KHDRBS3: variants seen among roughly 807,000 people sequenced by gnomAD.
KHDRBS3 encodes the protein KH domain-containing, RNA-binding, signal transduction-associated protein 3.
A neutral mutation model predicts 45.6 loss-of-function variants in KHDRBS3; 23 were observed. The ratio of observed to expected loss-of-function variants is 0.50; its 90% CI spans 0.36 to 0.72. The LOEUF is 0.72. KHDRBS3 is among the 30% of genes least tolerant of loss of function. The probability of loss-of-function intolerance (pLI) is 0.00; values close to 1 mark genes in which losing one functional copy is unlikely to be tolerated. For synonymous variants in KHDRBS3, 162 were observed against 156.5 expected (o/e 1.04, Z -0.26); for missense variants, 352 against 424.8 (o/e 0.83, Z 1.51).
chr8:135,586,840 GA>G (rs1320238430), intron 6 of KHDRBS3, among the ~76,000 whole-genome samples: 1 of 151,970 alleles, frequency 6.6e-6, no homozygotes, highest in Non-Finnish European at 1.5e-5. Flanking sequence ...AATAAAAGAT[GA>G]AAAAAGATCA....
rs59502823 is a variant in KHDRBS3 at position 135,515,365 on chromosome 8, T to TAAAAAAAAAAA, written c.89-5845_89-5835dup. On this transcript the variant is annotated intron_variant, in intron 1 of 8. Transcript: ENST00000355849. ...TGGGCGACAGAGCGAGACTCCGTCT[T>TAAAAAAAAAAA]AAAAAAAAAAAAAAAAAAAAAAAAA... 3.7e-3 allele frequency among the ~76,000 whole-genome samples: 147 copies of TAAAAAAAAAAA among 39,744 alleles called. 10 individuals carry two copies. The highest frequency in any genetic ancestry group is 5.3e-3 in the Non-Finnish European group (110 of 20,798). 26.1% of individuals were successfully genotyped at this position (39,744 alleles called of 152,430 possible).
chr8:135,594,951 A>G (rs1415409244), intron 6 of KHDRBS3, among the ~76,000 whole-genome samples: 9 of 152,212 alleles, frequency 5.9e-5, no homozygotes, highest in Admixed American at 5.9e-4. Context: ...GGCAAAACCT[A>G]AAAGAAGCAA....
chr8:135,549,571 T>A (rs571748426), intron 4 of KHDRBS3: 22 of 152,348 alleles, frequency 1.4e-4, no homozygotes, highest in Admixed American at 1.0e-3. Context: ...TTGATTTAAG[T>A]CTTTTGTGTG....
At chr8:135,465,802 G>T (rs1821666391) in intron 1 of KHDRBS3, among the ~76,000 whole-genome samples, 2 of 152,096 alleles carry the variant, frequency 1.3e-5, no homozygotes, top group South Asian at 4.2e-4. Context: ...TTTAAAAGGT[G>T]CTCCTAGCAT....
intron 7 of KHDRBS3, among the ~76,000 whole-genome samples, chr8:135,641,431 C>A (rs1393365864): frequency 6.6e-6 from 1 of 152,204 alleles, no homozygotes; most frequent in Non-Finnish European, 1.5e-5. Context: ...AGATAAAATT[C>A]TCAAGAACAT....
downstream of KHDRBS3, among the ~76,000 whole-genome samples, chr8:135,651,690 G>A (rs1170942836): frequency 6.6e-6 from 1 of 152,120 alleles, no homozygotes; most frequent in Admixed American, 6.5e-5. Flanking sequence ...TGTTTCCACT[G>A]GTTAGTGATT....
intron 6 of KHDRBS3, among the ~76,000 whole-genome samples, chr8:135,605,948 G>A (rs192822646): frequency 6.6e-6 from 1 of 152,112 alleles, no homozygotes; most frequent in East Asian, 1.9e-4. Flanking sequence ...AACATTTAAT[G>A]TGTAAACTCT....
intron 6 of KHDRBS3, among the ~76,000 whole-genome samples, chr8:135,606,671 A>C (rs978057871): frequency 1.3e-5 from 2 of 152,142 alleles, no homozygotes; most frequent in Non-Finnish European, 2.9e-5. Context: ...AGCCATTTAA[A>C]AAAAAGAAAA....
At chr8:135,582,167 T>C (rs1563784642) in intron 6 of KHDRBS3, 94 bp downstream of exon 6, 1 of 1,250,332 alleles carries the variant, frequency 8.0e-7, no homozygotes, top group Non-Finnish European at 1.1e-6. Flanking sequence ...TTCCTCACCT[T>C]GTTTTGGTTC....
intron 7 of KHDRBS3, among the ~76,000 whole-genome samples, chr8:135,632,457 C>T (rs570192821): frequency 7.2e-5 from 11 of 152,118 alleles, no homozygotes; most frequent in Non-Finnish European, 1.5e-4. Context: ...CAGGTTTTAA[C>T]GACCAAGAGC....
At chr8:135,527,653 A>G (rs1825261636) in intron 2 of KHDRBS3, among the ~76,000 whole-genome samples, 1 of 152,238 alleles carries the variant, frequency 6.6e-6, no homozygotes, top group Non-Finnish European at 1.5e-5. Flanking sequence ...TGCTGGAGTG[A>G]AAGAATGCTT....
chr8:135,483,587 C>T (rs752451009), intron 1 of KHDRBS3, among the ~76,000 whole-genome samples: 13 of 152,132 alleles, frequency 8.5e-5, no homozygotes, highest in Non-Finnish European at 1.8e-4. Context: ...CTTTACTTTT[C>T]CTTTATGAAC....
At chr8:135,561,259 A>T (rs899836942) in intron 5 of KHDRBS3, among the ~76,000 whole-genome samples, 2 of 152,146 alleles carry the variant, frequency 1.3e-5, no homozygotes, top group African/African-American at 2.4e-5. Flanking sequence ...TTTAACAAAC[A>T]CTTATATTGC....
intron 5 of KHDRBS3, among the ~76,000 whole-genome samples, chr8:135,570,174 G>A (rs1021054713): frequency 2.0e-5 from 3 of 151,764 alleles, no homozygotes; most frequent in Non-Finnish European, 4.4e-5. Flanking sequence ...GTGTTATTTT[G>A]ATAATATAAA....
intron 1 of KHDRBS3, among the ~76,000 whole-genome samples, chr8:135,504,345 A>G (rs1425571935): frequency 2.0e-5 from 3 of 152,074 alleles, no homozygotes. Context: ...ACTTAGGGCT[A>G]TTTTTGCATT....
intron 7 of KHDRBS3, among the ~76,000 whole-genome samples, chr8:135,639,858 C>G (rs563641389): frequency 6.6e-6 from 1 of 152,256 alleles, no homozygotes; most frequent in South Asian, 2.1e-4. Context: ...GATCTGCCCC[C>G]GATCCAGTCA....
At chr8:135,500,201 G>A (rs1232467539) in intron 1 of KHDRBS3, among the ~76,000 whole-genome samples, 1 of 152,068 alleles carries the variant, frequency 6.6e-6, no homozygotes, top group African/African-American at 2.4e-5. Context: ...TCAGAGGTCA[G>A]TGAGAGAAAA....
At chr8:135,495,811 G>A (rs1207612945) in intron 1 of KHDRBS3, among the ~76,000 whole-genome samples, 1 of 152,130 alleles carries the variant, frequency 6.6e-6, no homozygotes, top group Admixed American at 6.5e-5. Context: ...GGTGAAGAGT[G>A]GAGAAGAGTT....
In KHDRBS3 at chr8:135,646,953, A is replaced by G. The variant is rs373992536; in HGVS notation, c.950-40A>G. On this transcript the variant is annotated intron_variant, in intron 8 of 8. Coordinates refer to ENST00000355849, the MANE Select transcript of KHDRBS3 (RefSeq NM_006558.3). The stretch of plus-strand genomic sequence containing the variant: ...CTGAAAAATGAAGCCTGTGGGATTC[A>G]TGGCAGTGATCTAATTGTGATTCAT... 393 of 1,078,898 alleles carry G rather than the reference A, an allele frequency of 3.6e-4. 1 individual carries two copies. The highest frequency in any genetic ancestry group is 2.2e-4 in the South Asian group (18 of 80,240). The allele number at this position is 1,078,898 out of a possible 1,614,324, so 66.8% of individuals were successfully genotyped here.
Sources: gnomAD v4.1 joint callset for allele counts (sites outside exome capture counted in the v4.1 genomes callset) on GRCh38, gnomAD v4.1.1 for gene constraint, MANE v1.5 for transcripts, NCBI Gene and HGNC (gene_info 2026-07-23, HGNC 2026-07-21) for gene names.